MFSD6: variants seen among roughly 807,000 people sequenced by gnomAD.
MFSD6 encodes the protein major facilitator superfamily domain containing 6.
Under a neutral mutation model 56.3 loss-of-function variants are expected in MFSD6, and 26 were observed. The observed-to-expected ratio is 0.46, with a 90% CI of 0.34 to 0.64. MFSD6 has a LOEUF of 0.64. MFSD6 is among the 30% of genes least tolerant of loss of function. The pLI is 0.01. For missense variants in MFSD6, 750 were observed against 986.2 expected, an observed-to-expected ratio of 0.76 and a Z score of 3.21; for synonymous variants, 331 against 366.9, an observed-to-expected ratio of 0.90 and a Z score of 1.12.
chr2:190,497,327 C>A lies in MFSD6; in HGVS notation c.1892-112C>A. On this transcript the variant is annotated intron_variant, in intron 6 of 7. Transcript: ENST00000392328. This position sits in a 1 kb window ranked among gnomAD's most constrained non-coding sequence, Gnocchi z 5.2. ...GTAACCAGCAATTTATTAATATTAT[C>A]AAGCACTCTGGAATGGGTATATGGG... is the stretch of plus-strand genomic sequence containing the variant. The A allele has an allele frequency of 8.4e-7, 1 of 1,188,434 alleles. No individual in the cohort carries two copies. Among genetic ancestry groups the A allele is most frequent in the Non-Finnish European group, 1.2e-6 (1 of 856,220 alleles). The allele number at this position is 1,188,434 out of a possible 1,614,324, so 73.6% of individuals were successfully genotyped here. A position where few individuals can be genotyped will look rare whatever the true frequency, so the allele number is the denominator to read the frequency against.
At position 190,425,462 on chromosome 2, in the gene MFSD6, A is replaced by G. The variant is rs1228456373; in HGVS notation, c.-54+10049A>G. 6.6e-6 allele frequency among the ~76,000 whole-genome samples: 1 copy of G among 152,146 alleles called. No individual in the cohort carries two copies. The highest frequency in any genetic ancestry group is 1.5e-5 in the Non-Finnish European group (1 of 68,014). The stretch of plus-strand genomic sequence containing the variant: ...TTCACCATTAAGTGCAGTGTTACCC[A>G]TGGGTTTCCGTAGGTGATCTTTATC... On this transcript the variant is annotated intron_variant, in intron 2 of 7. Transcript: ENST00000392328. This position sits in a 1 kb window ranked among gnomAD's most constrained non-coding sequence, Gnocchi z 4.3.
At position 190,431,124 on chromosome 2, in the gene MFSD6, C is replaced by T. The variant is rs530036876; in HGVS notation, c.-53-4853C>T. On this transcript the variant is annotated intron_variant, in intron 2 of 7. Coordinates refer to ENST00000392328, the MANE Select transcript of MFSD6 (RefSeq NM_017694.4). This position sits in a 1 kb window ranked among gnomAD's most constrained non-coding sequence, Gnocchi z 4.4. ...CCCAGACAGGGCGGCGGGGCAGAGG[C>T]GCTCCCCACATCTCAGACGATGGGC... Among the ~76,000 whole-genome samples, 67 of 147,674 alleles carry T rather than the reference C, an allele frequency of 4.5e-4. No individual in the cohort carries two copies. Among genetic ancestry groups the T allele is most frequent in the African/African-American group, 1.6e-3 (63 of 39,618 alleles).
intron 4 of MFSD6, among the ~76,000 whole-genome samples, chr2:190,482,985 G>A (rs1011633958): frequency 2.1e-4 from 29 of 139,584 alleles, no homozygotes; most frequent in Middle Eastern, 3.8e-3. Context: ...TCTGCTTCCC[G>A]GGTTCACGCC....
intron 3 of MFSD6, among the ~76,000 whole-genome samples, chr2:190,441,602 T>C (rs1334456366): frequency 2.6e-5 from 4 of 152,154 alleles, no homozygotes; most frequent in African/African-American, 4.8e-5. Context: ...AGTTTACTTA[T>C]GTACATGTGC....
rs149294641 is a variant in MFSD6, at chr2:190,430,026, G to C, written c.-53-5951G>C. Among the ~76,000 whole-genome samples, 1,191 of 147,580 alleles carry C rather than the reference G, an allele frequency of 8.1e-3. 58 individuals carry two copies. The East Asian group carries it at 0.14, about 18-fold the overall frequency. ...CCCACCCCCCAACAGGCCCCAGTGTGTGATGTTCCCTGCCCTATGTCCAAG... is the reference window on the plus strand; with the variant it reads ...CCCACCCCCCAACAGGCCCCAGTGTCTGATGTTCCCTGCCCTATGTCCAAG... On this transcript the variant is annotated intron_variant, in intron 2 of 7. Transcript: ENST00000392328.
rs1689350800 is a variant in MFSD6 at position 190,491,475 on chromosome 2, C to T, written c.1891+1609C>T. 6.6e-6 allele frequency among the ~76,000 whole-genome samples: 1 copy of T among 152,186 alleles called. No homozygotes were observed. The highest frequency in any genetic ancestry group is 2.4e-5 in the African/African-American group (1 of 41,444). On this transcript the variant is annotated intron_variant, in intron 6 of 7. Transcript: ENST00000392328. The surrounding 1 kb of genome is among the most constrained non-coding windows in gnomAD (Gnocchi z 4.2). ...AGCTGAGAGACCTAAAGATGGTTCA[C>T]ATCACAGGACTCTATGCAGACAACC...
At chr2:190,408,178 C>T (rs1231566132), upstream of MFSD6, among the ~76,000 whole-genome samples, 1 of 151,872 alleles carries the variant, frequency 6.6e-6, no homozygotes, top group Admixed American at 6.6e-5. Flanking sequence ...GGCCCTGAAA[C>T]GGGTCCAGCC....
At chr2:190,473,684 AT>A (rs1211190645) in intron 4 of MFSD6, among the ~76,000 whole-genome samples, 3 of 152,230 alleles carry the variant, frequency 2.0e-5, no homozygotes, top group Non-Finnish European at 4.4e-5. Flanking sequence ...GTCAGTAAGG[AT>A]ATCCAGGAAT....
At chr2:190,453,096 G>A (rs1042515130) in intron 3 of MFSD6, among the ~76,000 whole-genome samples, 1 of 152,100 alleles carries the variant, frequency 6.6e-6, no homozygotes, top group African/African-American at 2.4e-5. Context: ...AAAGAAAAAT[G>A]TCAGATGCTA....
At chr2:190,482,093 G>A (rs1350424090) in intron 4 of MFSD6, among the ~76,000 whole-genome samples, 1 of 152,198 alleles carries the variant, frequency 6.6e-6, no homozygotes, top group Non-Finnish European at 1.5e-5. Flanking sequence ...AATTGTATGG[G>A]TCAGGTGCAG....
rs73979250 is a variant in MFSD6, at chr2:190,441,488, G to A, written c.1532+3927G>A. ...TTACAGGAAAGGAGGAGGGGCGGGG[G>A]TTGGGGGGAAAGCAGGGCATTTATA... is the stretch of plus-strand genomic sequence containing the variant. On this transcript the variant is annotated intron_variant, in intron 3 of 7. Coordinates refer to ENST00000392328, the MANE Select transcript of MFSD6 (RefSeq NM_017694.4). Among the ~76,000 whole-genome samples, 680 of 149,154 alleles carry A rather than the reference G, an allele frequency of 4.6e-3. 11 individuals are homozygous for A. The highest frequency in any genetic ancestry group is 0.016 in the African/African-American group (646 of 40,340).
At chr2:190,429,547 C>T (rs1404140084) in intron 2 of MFSD6, among the ~76,000 whole-genome samples, 1 of 151,928 alleles carries the variant, frequency 6.6e-6, no homozygotes, top group Non-Finnish European at 1.5e-5. Flanking sequence ...AGCCTGGTTT[C>T]GAACTCTTGA....
intron 4 of MFSD6, among the ~76,000 whole-genome samples, chr2:190,478,536 C>T (rs747275809): frequency 2.2e-4 from 33 of 152,144 alleles, no homozygotes; most frequent in Admixed American, 6.5e-4. Context: ...TTACAAGGCT[C>T]GTCCAAATGG....
In MFSD6 at chr2:190,470,702, C is replaced by T. The variant is rs573261240; in HGVS notation, c.1630+847C>T. Among the ~76,000 whole-genome samples the T allele has an allele frequency of 4.6e-5, 7 of 152,140 alleles. No homozygotes were observed. The East Asian group carries it at 1.2e-3, about 25-fold the overall frequency. On this transcript the variant is annotated intron_variant, in intron 4 of 7. Coordinates refer to ENST00000392328, the MANE Select transcript of MFSD6 (RefSeq NM_017694.4). ...TTCCCTTACCCTAAGGAGACAAATG[C>T]GGTGTAATCAATGTGATTAATTGTC...
At chr2:190,472,730 T>C (rs909412916) in intron 4 of MFSD6, among the ~76,000 whole-genome samples, 5 of 151,980 alleles carry the variant, frequency 3.3e-5, no homozygotes, top group African/African-American at 9.7e-5. Flanking sequence ...TCAGGAAATA[T>C]AGAGAAGCCA....
intron 2 of MFSD6, among the ~76,000 whole-genome samples, chr2:190,419,244 G>A (rs1052493928): frequency 4.6e-5 from 7 of 152,324 alleles, no homozygotes; most frequent in African/African-American, 1.4e-4. Context: ...TTTGAGTGCG[G>A]TGTGTGAATA....
intron 2 of MFSD6, among the ~76,000 whole-genome samples, chr2:190,427,033 C>T (rs781773260): frequency 6.6e-6 from 1 of 152,226 alleles, no homozygotes; most frequent in Non-Finnish European, 1.5e-5. Flanking sequence ...GGCCTCCTCA[C>T]ATGGCCTTCA....
chr2:190,427,233 G>A (rs569702852), intron 2 of MFSD6, among the ~76,000 whole-genome samples: 2 of 152,312 alleles, frequency 1.3e-5, no homozygotes, highest in African/African-American at 4.8e-5. Flanking sequence ...TTACTGCCTA[G>A]CAGGGATGAA....
chr2:190,452,745 C>T (rs1356716240), intron 3 of MFSD6, among the ~76,000 whole-genome samples: 1 of 152,136 alleles, frequency 6.6e-6, no homozygotes, highest in African/African-American at 2.4e-5. Flanking sequence ...GATCTCCATC[C>T]CTGTAAAGTG....
Sources: allele counts gnomAD v4.1 joint callset (sites outside exome capture counted in the v4.1 genomes callset), GRCh38; gene constraint gnomAD v4.1.1; non-coding constraint Gnocchi (gnomAD v3.1); transcripts MANE v1.5; gene names NCBI Gene and HGNC (gene_info 2026-07-23, HGNC 2026-07-21).